STEAP1B: variants seen among roughly 807,000 people sequenced by gnomAD.
STEAP1B encodes the protein STEAP family member 1B, also known as STEAP family protein MGC87042.
In STEAP1B, 13 loss-of-function variants were observed where a neutral mutation model predicts 27.9. That is an observed-to-expected ratio of 0.47 (90% CI 0.30 to 0.74). The LOEUF is 0.74. Ranked by LOEUF, STEAP1B falls within the 30% of genes least tolerant of loss-of-function variation. The probability of loss-of-function intolerance (pLI) is 0.06; values close to 1 mark genes in which losing one functional copy is unlikely to be tolerated. For missense variants in STEAP1B, 250 were observed against 298.7 expected, an observed-to-expected ratio of 0.84 and a Z score of 1.20; for synonymous variants, 86 against 107.1, an observed-to-expected ratio of 0.80 and a Z score of 1.22.
At chr7:22,492,147 T>C (rs575728215) in intron 4 of STEAP1B, among the ~76,000 whole-genome samples, 1 of 151,576 alleles carries the variant, frequency 6.6e-6, no homozygotes, top group South Asian at 2.1e-4. Context: ...GGTGAAACCC[T>C]GTCTCTACTA....
chr7:22,419,631 G>A lies in STEAP1B; in HGVS notation c.*173C>T, dbSNP rs1785019884. The A allele has an allele frequency of 3.5e-6, 2 of 577,872 alleles. No individual in the cohort carries two copies. Among genetic ancestry groups the A allele is most frequent in the East Asian group, 6.3e-5 (2 of 31,552 alleles). The allele number at this position is 577,872 out of a possible 1,614,324, so 35.8% of individuals were successfully genotyped here. A position where few individuals can be genotyped will look rare whatever the true frequency, so the allele number is the denominator to read the frequency against. ...GTTTGCTCTCTCATGAGTCCGCTGG[G>A]GGATCCACTCATCTGCCCTGCCGGA... On this transcript the variant is annotated 3_prime_UTR_variant, in exon 5 of 5. Transcript: ENST00000678116.
chr7:22,469,240 ATAATT>A (rs965224016), intron 4 of STEAP1B, among the ~76,000 whole-genome samples: 2 of 152,268 alleles, frequency 1.3e-5, no homozygotes, highest in East Asian at 1.9e-4. Flanking sequence ...AAAAGAATAA[ATAATT>A]TAATATATAA....
At chr7:22,472,470 C>T (rs980512583) in intron 4 of STEAP1B, among the ~76,000 whole-genome samples, 2 of 152,142 alleles carry the variant, frequency 1.3e-5, no homozygotes, top group Non-Finnish European at 2.9e-5. Flanking sequence ...ATGTGATTGG[C>T]AAGTGATGTG....
chr7:22,456,972 A>ATATATATATATATATATATATATATTTTT, intron 4 of STEAP1B, among the ~76,000 whole-genome samples: 1 of 57,042 alleles, frequency 1.8e-5, no homozygotes, highest in African/African-American at 7.0e-5. Context: ...ATATATATAT[A>ATATATATATATATATATATATATATTTTT]TTTTTTTTTT....
chr7:22,494,470 G>T (rs1396503177), intron 2 of STEAP1B, among the ~76,000 whole-genome samples: 1 of 150,442 alleles, frequency 6.6e-6, no homozygotes, highest in Non-Finnish European at 1.5e-5. Context: ...GTGTTAGAAA[G>T]AATTGGAAGG....
chr7:22,477,192 A>T (rs1785987789), intron 4 of STEAP1B, among the ~76,000 whole-genome samples: 1 of 152,202 alleles, frequency 6.6e-6, no homozygotes, highest in Admixed American at 6.5e-5. Context: ...GAGATTCACA[A>T]GGGGGTGACC....
intron 4 of STEAP1B, among the ~76,000 whole-genome samples, chr7:22,463,626 A>G (rs546163837): frequency 2.6e-5 from 4 of 152,264 alleles, no homozygotes; most frequent in African/African-American, 7.2e-5. Flanking sequence ...CAATGGAACA[A>G]AACAGAACCC....
chr7:22,493,267 A>T lies in STEAP1B; in HGVS notation c.597+57T>A. On this transcript the variant is annotated intron_variant, in intron 3 of 4. Transcript: ENST00000678116. The stretch of plus-strand genomic sequence containing the variant: ...ATTGATATTACAATGAGAAATGATT[A>T]ATTTGTTAGGTGACTTAGACTTTTT... The T allele has an allele frequency of 2.7e-6, 4 of 1,487,914 alleles. No homozygotes were observed. In the South Asian group the frequency reaches 5.3e-5, roughly 20 times the overall value. 92.2% of individuals were successfully genotyped at this position (1,487,914 alleles called of 1,614,324 possible).
At chr7:22,482,553 G>A (rs1004735920) in intron 4 of STEAP1B, among the ~76,000 whole-genome samples, 11 of 152,182 alleles carry the variant, frequency 7.2e-5, no homozygotes, top group African/African-American at 2.4e-4. Flanking sequence ...GTGCACCATA[G>A]TAGACCCACA....
At chr7:22,448,259 A>C (rs1044786272) in intron 4 of STEAP1B, among the ~76,000 whole-genome samples, 6 of 152,254 alleles carry the variant, frequency 3.9e-5, no homozygotes, top group African/African-American at 1.4e-4. Flanking sequence ...TTACAACAAA[A>C]TGTTAATGAA....
intron 4 of STEAP1B, among the ~76,000 whole-genome samples, chr7:22,448,499 T>G (rs951401931): frequency 1.3e-4 from 20 of 152,186 alleles, no homozygotes; most frequent in African/African-American, 4.8e-4. Context: ...TATAATTCTG[T>G]GTAGTAATAA....
rs28552708 is a variant in STEAP1B, at chr7:22,463,751, A to T, written c.762+28814T>A. Among the ~76,000 whole-genome samples the T allele has an allele frequency of 7.2e-5, 11 of 152,194 alleles. No homozygotes were observed. The South Asian group carries it at 1.5e-3, about 20-fold the overall frequency. On this transcript the variant is annotated intron_variant, in intron 4 of 4. Transcript: ENST00000678116. ...ATGGTGCTGGGAAAACTGGCTAGCC[A>T]TATGTAGAAAGCTGAAACTGGATCC...
Position 22,477,621 on chromosome 7 carries a change from A to C in STEAP1B, c.762+14944T>G, listed in dbSNP as rs141798473. On this transcript the variant is annotated intron_variant, in intron 4 of 4. Coordinates refer to ENST00000678116, the MANE Select transcript of STEAP1B (RefSeq NM_001382447.1). The stretch of plus-strand genomic sequence containing the variant: ...GCAAATATTACGAATTTCATTCATT[A>C]AAATAATGGATTTTTGGCTTTTTAA... Among the ~76,000 whole-genome samples, 913 of 152,342 alleles carry C rather than the reference A, an allele frequency of 6.0e-3. 3 individuals carry two copies. Among genetic ancestry groups the C allele is most frequent in the Non-Finnish European group, 7.6e-3 (520 of 68,038 alleles).
At chr7:22,443,023 A>C (rs550653037) in intron 4 of STEAP1B, among the ~76,000 whole-genome samples, 2 of 152,304 alleles carry the variant, frequency 1.3e-5, no homozygotes, top group South Asian at 4.1e-4. Context: ...AGTGTGCTTC[A>C]GTCTGAGGCT....
chr7:22,434,934 A>C (rs750421849), intron 4 of STEAP1B, among the ~76,000 whole-genome samples: 1 of 152,216 alleles, frequency 6.6e-6, no homozygotes, highest in Non-Finnish European at 1.5e-5. Flanking sequence ...CAATGGTGGA[A>C]AGATTCTAAA....
chr7:22,422,862 C>CAA (rs1286750632), intron 4 of STEAP1B, among the ~76,000 whole-genome samples: 5 of 152,196 alleles, frequency 3.3e-5, no homozygotes, highest in African/African-American at 1.2e-4. Context: ...CCTAGCATTT[C>CAA]ATATGACAAA....
At chr7:22,429,049 T>G (rs1785145043) in intron 4 of STEAP1B, among the ~76,000 whole-genome samples, 1 of 152,154 alleles carries the variant, frequency 6.6e-6, no homozygotes. Context: ...AAGACTGCGG[T>G]GTAACAGAAA....
intron 4 of STEAP1B, among the ~76,000 whole-genome samples, chr7:22,461,416 C>T (rs1237933853): frequency 2.6e-5 from 4 of 152,140 alleles, no homozygotes; most frequent in Admixed American, 2.0e-4. Context: ...GTGCCCACCA[C>T]CACGCCCAGC....
chr7:22,423,898 A>C (rs1785074692), intron 4 of STEAP1B, among the ~76,000 whole-genome samples: 1 of 152,150 alleles, frequency 6.6e-6, no homozygotes, highest in Non-Finnish European at 1.5e-5. Context: ...GTGTGGTGGC[A>C]CGCACCTGTA....
Sources: gnomAD v4.1 joint callset for allele counts (sites outside exome capture counted in the v4.1 genomes callset) on GRCh38, gnomAD v4.1.1 for gene constraint, MANE v1.5 for transcripts, NCBI Gene and HGNC (gene_info 2026-07-23, HGNC 2026-07-21) for gene names.